LRP5: variants seen among roughly 807,000 people sequenced by gnomAD.
The protein encoded by LRP5 is LDL receptor related protein 5.
A neutral mutation model predicts 154.1 loss-of-function variants in LRP5; 62 were observed. The ratio of observed to expected loss-of-function variants is 0.40; its 90% CI spans 0.33 to 0.50. LRP5 has a LOEUF of 0.50. LRP5 is among the 20% of genes least tolerant of loss of function. The pLI, the probability that LRP5 is intolerant of heterozygous loss-of-function variation, is 0.55. For synonymous variants in LRP5, 966 were observed against 1,011.5 expected, an observed-to-expected ratio of 0.96 and a Z score of 0.85; for missense variants, 1,915 against 2,336.7, an observed-to-expected ratio of 0.82 and a Z score of 3.72.
In LRP5 at chr11:68,379,782, C is replaced by T. The variant is rs369308059; in HGVS notation, c.1016-6534C>T. 1.1e-3 allele frequency among the ~76,000 whole-genome samples: 174 copies of T among 152,306 alleles called. 4 individuals carry two copies. The South Asian group carries it at 0.034, about 29-fold the overall frequency. The stretch of plus-strand genomic sequence containing the variant: ...AGTTCCTTCCACCTGCTGTCCTCCT[C>T]TCCTCCTCCCCACCTTCCCTCCTTC... On this transcript the variant is annotated intron_variant, in intron 5 of 22. Coordinates refer to ENST00000294304, the MANE Select transcript of LRP5 (RefSeq NM_002335.4).
chr11:68,407,418 C>G (rs908538091), intron 9 of LRP5, among the ~76,000 whole-genome samples: 2 of 151,314 alleles, frequency 1.3e-5, no homozygotes, highest in African/African-American at 2.4e-5. Context: ...GTGATCTGCC[C>G]GCCTCGGCCT....
intron 5 of LRP5, among the ~76,000 whole-genome samples, chr11:68,378,362 C>A (rs999091915): frequency 2.6e-5 from 4 of 152,044 alleles, no homozygotes; most frequent in African/African-American, 9.7e-5. Flanking sequence ...TCGCCCCATC[C>A]CTCCCATCCC....
intron 1 of LRP5, among the ~76,000 whole-genome samples, chr11:68,315,918 A>T (rs1239101750): frequency 6.6e-6 from 1 of 152,172 alleles, no homozygotes; most frequent in Non-Finnish European, 1.5e-5. Context: ...TTCCTAGGTG[A>T]AAGGTGTCGA....
chr11:68,410,760 GT>G (rs2098658994), intron 10 of LRP5, among the ~76,000 whole-genome samples: 1 of 152,152 alleles, frequency 6.6e-6, no homozygotes, highest in South Asian at 2.1e-4. Context: ...CTGGACTTGA[GT>G]TTTCTTTTCT....
Position 68,406,824 on chromosome 11 carries a change from C to G in LRP5, c.2091+11C>G. 1 of 1,613,196 alleles carries G rather than the reference C, an allele frequency of 6.2e-7. No homozygotes were observed. The highest frequency in any genetic ancestry group is 1.1e-5 in the South Asian group (1 of 91,008). On this transcript the variant is annotated intron_variant, in intron 9 of 22. Coordinates refer to ENST00000294304, the MANE Select transcript of LRP5 (RefSeq NM_002335.4). ...GACGTCAGCCTGAAGGTAGCGTGGG[C>G]CAGAACGTGCACACAGGCAGCCTTT...
chr11:68,351,753 A>T (rs2098618775), intron 2 of LRP5, among the ~76,000 whole-genome samples: 1 of 152,112 alleles, frequency 6.6e-6, no homozygotes, highest in Non-Finnish European at 1.5e-5. Context: ...ATAGTATTTG[A>T]AAGGGACGTG....
At chr11:68,407,328 C>G (rs150714975) in intron 9 of LRP5, among the ~76,000 whole-genome samples, 1,695 of 151,828 alleles carry the variant, frequency 0.011, 43 homozygotes, top group African/African-American at 0.039. Flanking sequence ...ACCACCACAC[C>G]CAGCTAATTT....
At chr11:68,395,332 A>G (rs980640023) in intron 7 of LRP5, among the ~76,000 whole-genome samples, 1 of 147,086 alleles carries the variant, frequency 6.8e-6, no homozygotes, top group African/African-American at 2.5e-5. Flanking sequence ...AAAAAGACCA[A>G]CCGAGGAATT....
intron 7 of LRP5, among the ~76,000 whole-genome samples, chr11:68,399,905 G>A (rs2098651688): frequency 6.6e-6 from 1 of 152,256 alleles, no homozygotes. Flanking sequence ...CTCATTGCAA[G>A]CCTGATGTTT....
In LRP5 at chr11:68,438,602, C is replaced by T. The variant is rs748143518; in HGVS notation, c.4268C>T (p.Pro1423Leu). ...QRYAGANGPF[P>L]HEYVSGTPHV... ...TATGCGGGGGCCAACGGGCCCTTCC[C>T]GCACGAGTATGTCAGCGGGACCCCG... The change falls in exon 20 of 23, where the codon CCG becomes CTG. Residue 1423 changes from proline (P) to leucine (L), a missense_variant. Physicochemically the swap from Pro to Leu is moderately conservative, Grantham distance 98. Around this residue, in one of 3 missense-constraint regions of LRP5, gnomAD observed 1,094 missense variants for 1,210.1 expected, o/e 0.90. Transcript: ENST00000294304. 5.0e-5 allele frequency: 81 copies of T among 1,613,790 alleles called. No homozygotes were observed. The highest frequency in any genetic ancestry group is 3.0e-4 in the South Asian group (27 of 91,082).
At chr11:68,328,232 C>T (rs967037982) in intron 1 of LRP5, among the ~76,000 whole-genome samples, 1 of 112,990 alleles carries the variant, frequency 8.9e-6, no homozygotes, top group Non-Finnish European at 2.0e-5. Flanking sequence ...CTGCAATTTT[C>T]CAGGAACAGT....
chr11:68,402,433 G>A (rs1373822459), intron 7 of LRP5, among the ~76,000 whole-genome samples: 1 of 152,184 alleles, frequency 6.6e-6, no homozygotes, highest in East Asian at 1.9e-4. Flanking sequence ...AGACAGGGTG[G>A]AAAGCATCTG....
chr11:68,322,623 T>A (rs1287351034), intron 1 of LRP5, among the ~76,000 whole-genome samples: 2 of 152,280 alleles, frequency 1.3e-5, no homozygotes, highest in African/African-American at 4.8e-5. Context: ...GGACAGGGGC[T>A]GTCTTCGTCT....
chr11:68,380,769 C>T (rs893600304), intron 5 of LRP5, among the ~76,000 whole-genome samples: 4 of 152,182 alleles, frequency 2.6e-5, no homozygotes, highest in Non-Finnish European at 5.9e-5. Context: ...AGATCAGCCC[C>T]GGCGACAGGT....
rs1026267718 is a variant in LRP5 at position 68,438,422 on chromosome 11, C to T, written c.4112-24C>T. On this transcript the variant is annotated intron_variant, in intron 19 of 22. Transcript: ENST00000294304. ...ATTCCGTTGGGGTTAATGTTGGCCA[C>T]CTCTTTCTGTTTGTCTCTGGCAGAA... is the stretch of plus-strand genomic sequence containing the variant. 32 of 1,607,588 alleles carry T rather than the reference C, an allele frequency of 2.0e-5. 1 individual carries two copies. The Admixed American group carries it at 4.0e-4, about 20-fold the overall frequency.
chr11:68,397,976 G>GTGTGTGTGTGTTTGTGTA (rs2098650431), intron 7 of LRP5, among the ~76,000 whole-genome samples: 1 of 147,612 alleles, frequency 6.8e-6, no homozygotes, highest in Non-Finnish European at 1.5e-5. Context: ...GTGTGTTTGT[G>GTGTGTGTGTGTTTGTGTA]TGTGTGTGTG....
intron 21 of LRP5, among the ~76,000 whole-genome samples, chr11:68,444,108 T>G (rs2098680148): frequency 6.6e-6 from 1 of 152,278 alleles, no homozygotes; most frequent in African/African-American, 2.4e-5. Flanking sequence ...TCGGGGTCTA[T>G]CAGGAGGCAG....
Position 68,425,127 on chromosome 11 carries a change from G to T in LRP5, c.3262G>T (p.Asp1088Tyr), listed in dbSNP as rs1056200489. The T allele has an allele frequency of 2.2e-5, 36 of 1,613,684 alleles. No homozygotes were observed. The Admixed American group carries it at 5.8e-4, about 26-fold the overall frequency. The change falls in exon 15 of 23, where the codon GAC becomes TAC. Residue 1088 changes from aspartate to tyrosine, a missense_variant. Asp to Tyr is a radical substitution (Grantham distance 160, BLOSUM62 -3). Around this residue, in one of 3 missense-constraint regions of LRP5, gnomAD observed 1,094 missense variants for 1,210.1 expected, o/e 0.90. Transcript: ENST00000294304. ...RGYLYFTNMQ[D>Y]RAAKIERAAL... is the part of the protein sequence containing the mutation. Reference sequence around the variant, plus strand: ...GTACCTGTACTTCACCAACATGCAGGACCGGGCAGCCAAGATCGAACGCGC... The same window carrying T: ...GTACCTGTACTTCACCAACATGCAGTACCGGGCAGCCAAGATCGAACGCGC...
intron 18 of LRP5, among the ~76,000 whole-genome samples, chr11:68,434,679 C>T (rs2098673925): frequency 2.0e-5 from 3 of 152,204 alleles, no homozygotes; most frequent in Non-Finnish European, 4.4e-5. Context: ...CGCGCCCGGC[C>T]TGAGTTTTCC....
Sources: allele counts gnomAD v4.1 joint callset (sites outside exome capture counted in the v4.1 genomes callset), GRCh38; gene constraint gnomAD v4.1.1; regional missense constraint gnomAD v4.1.1; transcripts MANE v1.5; gene names NCBI Gene and HGNC (gene_info 2026-07-23, HGNC 2026-07-21).